Variants in LARS1 observed in about 807,000 individuals in gnomAD.
The protein encoded by LARS1 is leucine--tRNA ligase, cytoplasmic.
LARS1 carries 100 observed loss-of-function variants against 162.8 expected under a neutral mutation model. That is an observed-to-expected ratio of 0.61 (90% confidence interval 0.52 to 0.73). The LOEUF (loss-of-function observed/expected upper bound fraction) is 0.73. Ranked by LOEUF, LARS1 falls within the 30% of genes least tolerant of loss-of-function variation. The pLI, the probability that LARS1 is intolerant of heterozygous loss-of-function variation, is 0.00. For synonymous variants in LARS1, 457 were observed against 462.8 expected, an observed-to-expected ratio of 0.99 and a Z score of 0.16; for missense variants, 1,258 against 1,408.9, an observed-to-expected ratio of 0.89 and a Z score of 1.71.
At position 146,181,924 on chromosome 5, in the gene LARS1, CTTTA is replaced by C. The variant is rs1233514793; in HGVS notation, c.6+560_6+563del. On this transcript the variant is annotated intron_variant, in intron 1 of 31. Transcript: ENST00000394434. ...TTACATACTCCTCTCTCCACCTCGG[CTTTA>C]TTTGTTTGTTTATTTATTTATTTTA... Among the ~76,000 whole-genome samples, 329 of 112,844 alleles carry C rather than the reference CTTTA, an allele frequency of 2.9e-3. 3 individuals carry two copies. The highest frequency in any genetic ancestry group is 0.011 in the African/African-American group (321 of 30,186). 74.0% of individuals were successfully genotyped at this position (112,844 alleles called of 152,430 possible).
intron 15 of LARS1, among the ~76,000 whole-genome samples, 186 bp downstream of exon 15, chr5:146,149,436 T>C (rs1307323002): frequency 6.6e-6 from 1 of 152,198 alleles, no homozygotes; most frequent in African/African-American, 2.4e-5. Context: ...AACACTACCT[T>C]TATCAACATT....
chr5:146,171,484 T>C (rs1216617237), intron 4 of LARS1, among the ~76,000 whole-genome samples: 1 of 152,228 alleles, frequency 6.6e-6, no homozygotes, highest in Non-Finnish European at 1.5e-5. Flanking sequence ...CTATTCTTCA[T>C]TGAGAATTAT....
intron 6 of LARS1, among the ~76,000 whole-genome samples, chr5:146,163,127 A>G (rs758814309): frequency 8.5e-5 from 13 of 152,188 alleles, no homozygotes; most frequent in Non-Finnish European, 1.6e-4. Flanking sequence ...GCACTTTTCT[A>G]TTATGGAAAT....
chr5:146,120,868 A>G (rs1417812522), intron 30 of LARS1, among the ~76,000 whole-genome samples: 2 of 152,236 alleles, frequency 1.3e-5, no homozygotes, highest in African/African-American at 4.8e-5. Flanking sequence ...TTTTTCACAA[A>G]AGAGAAGCTG....
intron 13 of LARS1, 66 bp downstream of exon 13, chr5:146,153,108 T>C (rs1753363798): frequency 7.9e-7 from 1 of 1,261,808 alleles, no homozygotes; most frequent in Non-Finnish European, 1.1e-6. Flanking sequence ...AAGGAAAACA[T>C]GTTAGCTCTT....
chr5:146,168,341 C>T, intron 4 of LARS1, 76 bp from the exon 5 acceptor site: 2 of 1,473,800 alleles, frequency 1.4e-6, no homozygotes, highest in Non-Finnish European at 1.8e-6. Flanking sequence ...TTTTTATTGC[C>T]AACTAAAATT....
In LARS1 at chr5:146,143,542, G is replaced by A. The variant is rs11540217; in HGVS notation, c.1747C>T (p.Leu583=). 442,324 of 1,611,972 alleles carry A rather than the reference G, an allele frequency of 0.27. 64,790 individuals are homozygous for A. Among genetic ancestry groups the A allele is most frequent in the Admixed American group, 0.42 (24,949 of 59,912 alleles). ...CSRTYGLGTH[L]PWDEQWLIES... is the part of the protein sequence containing the mutation. ...ATCAGCCACTGCTCATCCCAAGGCA[G>A]GTGAGTGCCTGAAAAATAAAAAGTA... Residue 583 remains leucine (L), a synonymous_variant, in exon 19 of 32, where the codon CTG becomes TTG. Transcript: ENST00000394434.
Position 146,169,617 on chromosome 5 carries a change from C to T in LARS1, c.295-1352G>A, listed in dbSNP as rs143848937. ...AGGCTGGAGTGCAATGGCGCAGTTT[C>T]GGCTCACTGCAACCTCTACTTCCCG... On this transcript the variant is annotated intron_variant, in intron 4 of 31. Transcript: ENST00000394434. Among the ~76,000 whole-genome samples, 333 of 151,148 alleles carry T rather than the reference C, an allele frequency of 2.2e-3. 3 individuals are homozygous for T. Among genetic ancestry groups the T allele is most frequent in the African/African-American group, 7.8e-3 (323 of 41,182 alleles).
Position 146,157,470 on chromosome 5 carries a change from T to C in LARS1, c.998A>G (p.Asn333Ser). ...IFICTQKAARNMSYQGFTKDN... is the reference protein window; with the variant it reads ...IFICTQKAARSMSYQGFTKDN... ...TTTGGTAAAGCCCTGGTATGACATA[T>C]TCCTGGCTGCTTTTTGGGTACAGAT... The change falls in exon 10 of 32, where the codon AAT (asparagine) becomes AGT (serine). Residue 333 changes from asparagine (N) to serine (S), a missense_variant. Physicochemically the swap from Asn to Ser is conservative, Grantham distance 46 (BLOSUM62 1). Transcript: ENST00000394434. The C allele has an allele frequency of 6.2e-7, 1 of 1,614,194 alleles. No homozygotes were observed. Among genetic ancestry groups the C allele is most frequent in the Non-Finnish European group, 8.5e-7 (1 of 1,180,028 alleles).
At chr5:146,182,137 C>T (rs1401873484) in intron 1 of LARS1, 2 of 238,772 alleles carry the variant, frequency 8.4e-6, no homozygotes, top group Admixed American at 4.9e-5. Context: ...AACGGGGTCT[C>T]ACCATGTTGG....
At position 146,174,521 on chromosome 5, in the gene LARS1, C is replaced by CAT. The variant is rs60132964; in HGVS notation, c.126-1749_126-1748dup. Among the ~76,000 whole-genome samples, 6 of 19,584 alleles carry CAT rather than the reference C, an allele frequency of 3.1e-4. 1 individual carries two copies. The highest frequency in any genetic ancestry group is 7.5e-4 in the African/African-American group (6 of 7,982). 12.8% of individuals were successfully genotyped at this position (19,584 alleles called of 152,430 possible). On this transcript the variant is annotated intron_variant, in intron 2 of 31. Coordinates refer to ENST00000394434, the MANE Select transcript of LARS1 (RefSeq NM_020117.11). ...ATATCCATATATATATATATATATC[C>CAT]ATATATATATATATATCCATATATG... is the stretch of plus-strand genomic sequence containing the variant.
chr5:146,153,685 G>A, intron 12 of LARS1, 49 bp downstream of exon 12: 1 of 1,439,184 alleles, frequency 6.9e-7, no homozygotes, highest in Non-Finnish European at 9.8e-7. Context: ...CAGCACCTAA[G>A]CAATGAGATG....
chr5:146,170,158 T>C (rs770958765), intron 4 of LARS1, among the ~76,000 whole-genome samples: 17 of 152,100 alleles, frequency 1.1e-4, no homozygotes, highest in Non-Finnish European at 2.1e-4. Context: ...ATGCAATGTG[T>C]GCTCCACAAA....
At chr5:146,162,302 T>C (rs1158443918) in intron 6 of LARS1, among the ~76,000 whole-genome samples, 1 of 152,236 alleles carries the variant, frequency 6.6e-6, no homozygotes, top group Non-Finnish European at 1.5e-5. Flanking sequence ...CCTTGATTCA[T>C]GGACTGCAGA....
chr5:146,173,872 G>A (rs1057036799), intron 2 of LARS1, among the ~76,000 whole-genome samples: 11 of 151,674 alleles, frequency 7.3e-5, no homozygotes, highest in East Asian at 3.9e-4. Flanking sequence ...ATTTAGTTTC[G>A]CTCACTTGTG....
chr5:146,149,012 T>C (rs544682575), intron 15 of LARS1, among the ~76,000 whole-genome samples: 1 of 152,078 alleles, frequency 6.6e-6, no homozygotes, highest in South Asian at 2.1e-4. Flanking sequence ...GAGGTGGAGG[T>C]TGCAGTGAGC....
intron 4 of LARS1, among the ~76,000 whole-genome samples, chr5:146,170,578 G>C (rs755508589): frequency 7.9e-5 from 12 of 152,134 alleles, no homozygotes; most frequent in Admixed American, 2.6e-4. Flanking sequence ...TGAATTTCTT[G>C]GAGGGGATAA....
In LARS1 at chr5:146,157,481, T is replaced by C; in HGVS notation, c.987A>G (p.Lys329=). ...CCTGGTATGACATATTCCTGGCTGCTTTTTGGGTACAGATGAATATATCAC... is the reference window on the plus strand; with the variant it reads ...CCTGGTATGACATATTCCTGGCTGCCTTTTGGGTACAGATGAATATATCAC... ...VNGDIFICTQ[K]AARNMSYQGF... is the part of the protein sequence containing the mutation. Residue 329 remains lysine (K), a synonymous_variant, in exon 10 of 32, where the codon AAA becomes AAG. Transcript: ENST00000394434. 1 of 1,614,226 alleles carries C rather than the reference T, an allele frequency of 6.2e-7. No individual in the cohort carries two copies. Among genetic ancestry groups the C allele is most frequent in the Non-Finnish European group, 8.5e-7 (1 of 1,180,030 alleles).
At chr5:146,175,284 G>T (rs576160893) in intron 2 of LARS1, among the ~76,000 whole-genome samples, 1 of 151,410 alleles carries the variant, frequency 6.6e-6, no homozygotes, top group African/African-American at 2.4e-5. Context: ...AGTGGCTCAC[G>T]CGTGTAATCC....
Sources: allele counts gnomAD v4.1 joint callset (sites outside exome capture counted in the v4.1 genomes callset), GRCh38; gene constraint gnomAD v4.1.1; transcripts MANE v1.5; gene names NCBI Gene and HGNC (gene_info 2026-07-23, HGNC 2026-07-21).